Variants in ARMC1 observed in about 807,000 individuals in gnomAD.
ARMC1 encodes armadillo repeat containing 1.
In ARMC1, 16 loss-of-function variants were observed where a neutral mutation model predicts 31.4. The observed-to-expected ratio is 0.51, with a 90% CI of 0.34 to 0.77. ARMC1 has a LOEUF of 0.77. ARMC1 is among the 30% of genes least tolerant of loss of function. The pLI is 0.01. For missense variants in ARMC1, 259 were observed against 347.5 expected, an observed-to-expected ratio of 0.75 and a Z score of 2.02; for synonymous variants, 114 against 118.9, an observed-to-expected ratio of 0.96 and a Z score of 0.27.
Position 65,603,961 on chromosome 8 carries a change from A to C in ARMC1, c.*433T>G, listed in dbSNP as rs911154510. On this transcript the variant is annotated 3_prime_UTR_variant, in exon 7 of 7. Transcript: ENST00000276569. ...AGTACAAAGCATGTACCCTTCATGA[A>C]GAAAAGCACAGTAAAATATTCAGTA... The C allele has an allele frequency of 6.4e-6, 1 of 156,312 alleles. No individual in the cohort carries two copies. Among genetic ancestry groups the C allele is most frequent in the Non-Finnish European group, 1.4e-5 (1 of 70,306 alleles). The allele number at this position is 156,312 out of a possible 1,614,324, so 9.7% of individuals were successfully genotyped here.
At chr8:65,616,949 C>A (rs1168226016) in intron 3 of ARMC1, among the ~76,000 whole-genome samples, 1 of 151,640 alleles carries the variant, frequency 6.6e-6, no homozygotes, top group East Asian at 2.0e-4. Flanking sequence ...GCTGCCCCGT[C>A]TGGGAAGTGA....
chr8:65,613,530 T>G lies in ARMC1; in HGVS notation c.276-97A>C, dbSNP rs564223115. On this transcript the variant is annotated intron_variant, in intron 3 of 6. Coordinates refer to ENST00000276569, the MANE Select transcript of ARMC1 (RefSeq NM_018120.6). ...AGGAGCCTTGTTTCTTTTACTCTAA[T>G]GCCTTGTTCAATTTAAAAGCAATAG... 1.0e-4 allele frequency: 77 copies of G among 772,488 alleles called. 1 individual carries two copies. Among genetic ancestry groups the G allele is most frequent in the Admixed American group, 1.5e-4 (5 of 33,182 alleles). 47.9% of individuals were successfully genotyped at this position (772,488 alleles called of 1,614,324 possible).
Position 65,604,342 on chromosome 8 carries a change from T to A in ARMC1, c.*52A>T, listed in dbSNP as rs1410760999. 15 of 1,540,934 alleles carry A rather than the reference T, an allele frequency of 9.7e-6. No individual in the cohort carries two copies. Among genetic ancestry groups the A allele is most frequent in the Non-Finnish European group, 1.3e-5 (15 of 1,132,164 alleles). On this transcript the variant is annotated 3_prime_UTR_variant, in exon 7 of 7. Transcript: ENST00000276569. ...TGCACTTGACAGTTCACCACAACAA[T>A]GGAAAACTGGCCCCTTGTTGGTTCA...
At chr8:65,615,683 G>A (rs1371686798) in intron 3 of ARMC1, among the ~76,000 whole-genome samples, 1 of 151,776 alleles carries the variant, frequency 6.6e-6, no homozygotes, top group Non-Finnish European at 1.5e-5. Context: ...CGCCAGCCTG[G>A]GTGACAGAAT....
chr8:65,610,235 T>C (rs552617228), intron 4 of ARMC1, among the ~76,000 whole-genome samples: 64 of 151,994 alleles, frequency 4.2e-4, no homozygotes, highest in African/African-American at 1.5e-3. Context: ...GTAGCTGGGA[T>C]TACAGGCGTG....
At chr8:65,630,751 G>A (rs190816345) in intron 1 of ARMC1, among the ~76,000 whole-genome samples, 12 of 152,028 alleles carry the variant, frequency 7.9e-5, no homozygotes, top group East Asian at 1.9e-4. Flanking sequence ...CCCGGGAGGC[G>A]GAGGTTGCAG....
At chr8:65,610,217 C>T (rs1808103025) in intron 4 of ARMC1, among the ~76,000 whole-genome samples, 1 of 151,986 alleles carries the variant, frequency 6.6e-6, no homozygotes, top group Admixed American at 6.5e-5. Flanking sequence ...CCTGACTCAA[C>T]CTCCTGAGTA....
chr8:65,612,919 A>T (rs924466143), intron 4 of ARMC1, among the ~76,000 whole-genome samples: 9 of 152,170 alleles, frequency 5.9e-5, no homozygotes, highest in Non-Finnish European at 1.2e-4. Context: ...ATTGGTTGAT[A>T]GCATTATTTG....
At position 65,613,332 on chromosome 8, in the gene ARMC1, G is replaced by C; in HGVS notation, c.377C>G (p.Ser126Ter). The part of the protein sequence containing the change: ...ADGDSFNEMN[S>*]RRRKAQFFLG... ...AAAAAATTGAGCTTTCCTTCGACGT[G>C]AATTCATCTCATTAAAACTATCACC... Residue 126 changes from serine to a stop codon, truncating the protein, a stop_gained, in exon 4 of 7, where the codon TCA becomes TGA. Transcript: ENST00000276569. LOFTEE classifies it high-confidence loss of function. The C allele has an allele frequency of 6.2e-7, 1 of 1,612,730 alleles. No homozygotes were observed. Among genetic ancestry groups the C allele is most frequent in the Non-Finnish European group, 8.5e-7 (1 of 1,179,450 alleles).
At chr8:65,604,992 G>T (rs1446094538) in intron 6 of ARMC1, among the ~76,000 whole-genome samples, 1 of 152,138 alleles carries the variant, frequency 6.6e-6, no homozygotes, top group African/African-American at 2.4e-5. Context: ...TTATTTTTTG[G>T]ATTGTCAGGA....
intron 1 of ARMC1, among the ~76,000 whole-genome samples, chr8:65,629,659 C>T (rs1448644448): frequency 2.0e-5 from 3 of 152,010 alleles, no homozygotes; most frequent in African/African-American, 4.8e-5. Context: ...ATTAGCTGGG[C>T]GTGCTGGCGG....
intron 4 of ARMC1, among the ~76,000 whole-genome samples, chr8:65,607,347 TAA>T (rs1052838134): frequency 2.7e-4 from 41 of 152,322 alleles, no homozygotes; most frequent in African/African-American, 9.1e-4. Context: ...ACAATATATA[TAA>T]GTTAGGATAC....
In ARMC1 at chr8:65,605,315, G is replaced by A; in HGVS notation, c.605C>T (p.Ser202Leu). ...TTGCTGAGCTTTCATAACCTTGGTT[G>A]ATGCTATTGCTGATGCCAAAGCCTA... ...KAEALASAIA[S>L]TKVMKAQQVV... The change falls in exon 6 of 7, where the codon TCA (serine) becomes TTA (leucine). Residue 202 changes from serine (S) to leucine (L), a missense_variant. Coordinates refer to ENST00000276569, the MANE Select transcript of ARMC1 (RefSeq NM_018120.6). 2 of 1,613,924 alleles carry A rather than the reference G, an allele frequency of 1.2e-6. No individual in the cohort carries two copies. Among genetic ancestry groups the A allele is most frequent in the Admixed American group, 1.7e-5 (1 of 59,960 alleles).
intron 2 of ARMC1, among the ~76,000 whole-genome samples, chr8:65,626,921 C>A (rs7006180): frequency 2.0e-5 from 3 of 151,354 alleles, no homozygotes; most frequent in Admixed American, 6.6e-5. Flanking sequence ...AGGCTGAGGT[C>A]GGGGGGATGG....
At chr8:65,631,865 T>C (rs747807747) in intron 1 of ARMC1, among the ~76,000 whole-genome samples, 6 of 136,044 alleles carry the variant, frequency 4.4e-5, no homozygotes, top group African/African-American at 1.1e-4. Context: ...ATGGACAACA[T>C]AGCAAGACCC....
Position 65,603,753 on chromosome 8 carries a change from C to T in ARMC1, c.*641G>A, listed in dbSNP as rs1053085. The T allele has an allele frequency of 0.34, 52,038 of 152,056 alleles. 9,409 individuals are homozygous for T. Among genetic ancestry groups the T allele is most frequent in the East Asian group, 0.47 (2,437 of 5,176 alleles). The allele number at this position is 152,056 out of a possible 1,614,324, so 9.4% of individuals were successfully genotyped here. A position where few individuals can be genotyped will look rare whatever the true frequency, so the allele number is the denominator to read the frequency against. ...TTGACTGATTTTGTGTTAATTTTATCAAAATTATAATGAATAAGGCTGCAA... is the reference window on the plus strand; with the variant it reads ...TTGACTGATTTTGTGTTAATTTTATTAAAATTATAATGAATAAGGCTGCAA... On this transcript the variant is annotated 3_prime_UTR_variant, in exon 7 of 7. Coordinates refer to ENST00000276569, the MANE Select transcript of ARMC1 (RefSeq NM_018120.6).
intron 2 of ARMC1, among the ~76,000 whole-genome samples, chr8:65,624,789 A>C (rs1808480390): frequency 6.6e-6 from 1 of 152,178 alleles, no homozygotes; most frequent in Admixed American, 6.5e-5. Context: ...GTGTATACTA[A>C]TAAGCTAACA....
chr8:65,608,443 T>A (rs1196530304), intron 4 of ARMC1, among the ~76,000 whole-genome samples: 4 of 151,730 alleles, frequency 2.6e-5, no homozygotes, highest in Non-Finnish European at 5.9e-5. Flanking sequence ...GCACGAGAAT[T>A]ACTTGAACCC....
chr8:65,614,088 A>G (rs1808200705), intron 3 of ARMC1, among the ~76,000 whole-genome samples: 1 of 152,266 alleles, frequency 6.6e-6, no homozygotes, highest in Non-Finnish European at 1.5e-5. Flanking sequence ...CTTGACTTTT[A>G]AGAAAATACA....
Sources: gnomAD v4.1 joint callset for allele counts (sites outside exome capture counted in the v4.1 genomes callset) on GRCh38, gnomAD v4.1.1 for gene constraint, MANE v1.5 for transcripts, NCBI Gene and HGNC (gene_info 2026-07-23, HGNC 2026-07-21) for gene names.